Variants in EEF1A2 observed in about 807,000 individuals in gnomAD.
The protein encoded by EEF1A2 is eukaryotic translation elongation factor 1 alpha 2, also known as elongation factor 1-alpha 2.
A neutral mutation model predicts 39.3 loss-of-function variants in EEF1A2; 5 were observed. That is an observed-to-expected ratio of 0.13 (90% CI 0.07 to 0.27). EEF1A2 has a LOEUF of 0.27. EEF1A2 is among the 10% of genes least tolerant of loss of function. The probability of loss-of-function intolerance (pLI) is 1.00; values close to 1 mark genes in which losing one functional copy is unlikely to be tolerated. For missense variants in EEF1A2, 218 were observed against 681.4 expected (o/e 0.32, Z 7.57); for synonymous variants, 287 against 293.7 (o/e 0.98, Z 0.23).
chr20:63,496,201 C>T (rs2082415895), intron 2 of EEF1A2, 166 bp from the exon 3 acceptor site: 2 of 806,818 alleles, frequency 2.5e-6, no homozygotes, highest in Non-Finnish European at 3.8e-6. Context: ...TCCGTCGGGA[C>T]CCCACACCCA....
At chr20:63,489,504 C>G (rs1457326784) in intron 6 of EEF1A2, among the ~76,000 whole-genome samples, 1 of 152,142 alleles carries the variant, frequency 6.6e-6, no homozygotes, top group Non-Finnish European at 1.5e-5. Context: ...ATGAAGAGGC[C>G]AGGCACGGTG....
chr20:63,494,871 C>T lies in EEF1A2; in HGVS notation c.555G>A (p.Pro185=), dbSNP rs1343210265. The part of the protein sequence containing the change: ...SAYIKKIGYN[P]ATVPFVPISG... ...AGATGGGCACAAAGGGCACGGTGGC[C>T]GGGTTGTAGCCGATCTTCTTGATGT... The change falls in exon 4 of 8, where the codon CCG becomes CCA. Residue 185 remains proline (P), a synonymous_variant. Coordinates refer to ENST00000217182, the MANE Select transcript of EEF1A2 (RefSeq NM_001958.5). 5.0e-6 allele frequency: 8 copies of T among 1,612,586 alleles called. No homozygotes were observed. Among genetic ancestry groups the T allele is most frequent in the East Asian group, 4.5e-5 (2 of 44,878 alleles).
chr20:63,489,251 A>G, intron 6 of EEF1A2, 99 bp from the exon 7 acceptor site: 1 of 1,245,822 alleles, frequency 8.0e-7, no homozygotes, highest in Non-Finnish European at 1.1e-6. Context: ...GCGCCCCTGC[A>G]CGGGCTCCTG....
rs964631860 is a variant in EEF1A2, at chr20:63,496,133, G to A, written c.145-98C>T. The A allele has an allele frequency of 1.3e-4, 186 of 1,419,522 alleles. 1 individual carries two copies. The highest frequency in any genetic ancestry group is 4.6e-5 in the East Asian group (2 of 43,384). 87.9% of individuals were successfully genotyped at this position (1,419,522 alleles called of 1,614,324 possible). A position where few individuals can be genotyped will look rare whatever the true frequency, so the allele number is the denominator to read the frequency against. On this transcript the variant is annotated intron_variant, in intron 2 of 7. Coordinates refer to ENST00000217182, the MANE Select transcript of EEF1A2 (RefSeq NM_001958.5). Reference sequence around the variant, plus strand: ...TTACAGCAGAGTGGCCGCGAGAGGCGGGAGATGGGCTCCAGCACCCCCTTG... The same window carrying A: ...TTACAGCAGAGTGGCCGCGAGAGGCAGGAGATGGGCTCCAGCACCCCCTTG...
Position 63,490,744 on chromosome 20 carries a change from G to A in EEF1A2, c.773-9C>T. ...GGGCACCGTGCCAATGCCTGCAGAGGGGAGGGGGTGTGAGGGGAAGGTGGG... is the reference window on the plus strand; with the variant it reads ...GGGCACCGTGCCAATGCCTGCAGAGAGGAGGGGGTGTGAGGGGAAGGTGGG... On this transcript the variant is annotated splice_polypyrimidine_tract_variant and intron_variant, in intron 5 of 7. Coordinates refer to ENST00000217182, the MANE Select transcript of EEF1A2 (RefSeq NM_001958.5). The A allele has an allele frequency of 6.3e-7, 1 of 1,587,564 alleles. No homozygotes were observed. The highest frequency in any genetic ancestry group is 8.6e-7 in the Non-Finnish European group (1 of 1,167,994).
chr20:63,497,296 A>AG lies in EEF1A2; in HGVS notation c.144+323dup. On this transcript the variant is annotated intron_variant, in intron 2 of 7. Coordinates refer to ENST00000217182, the MANE Select transcript of EEF1A2 (RefSeq NM_001958.5). The surrounding 1 kb of genome is among the most constrained non-coding windows in gnomAD (Gnocchi z 7.3). ...AGCCCCAGCCTTGGCCCTGGGGGGAAGGGGGTAAGGCTCCAGCGCCCTCCA... is the reference window on the plus strand; with the variant it reads ...AGCCCCAGCCTTGGCCCTGGGGGGAAGGGGGGTAAGGCTCCAGCGCCCTCCA... 8.4e-6 allele frequency: 2 copies of AG among 237,460 alleles called. No homozygotes were observed. The highest frequency in any genetic ancestry group is 1.6e-5 in the Non-Finnish European group (2 of 122,698). 14.7% of individuals were successfully genotyped at this position (237,460 alleles called of 1,614,324 possible).
rs995165503 is a variant in EEF1A2, at chr20:63,489,121, C to T, written c.1061G>A (p.Ser354Asn). 3 of 1,612,616 alleles carry T rather than the reference C, an allele frequency of 1.9e-6. No individual in the cohort carries two copies. Among genetic ancestry groups the T allele is most frequent in the African/African-American group, 2.7e-5 (2 of 74,952 alleles). Residue 354 changes from serine to asparagine, a missense_variant, in exon 7 of 8, where the codon AGC (serine) becomes AAC (asparagine). Coordinates refer to ENST00000217182, the MANE Select transcript of EEF1A2 (RefSeq NM_001958.5). ...GTCGATGACCGGGGAGTAGCCGGCG[C>T]TAATCTGCCCCGGGTGGTTCAGGAT... ...VIILNHPGQI[S>N]AGYSPVIDCH...
At chr20:63,490,213 C>G in intron 6 of EEF1A2, 2 of 375,918 alleles carry the variant, frequency 5.3e-6, no homozygotes, top group Non-Finnish European at 1.0e-5. Flanking sequence ...ACTACAGGCA[C>G]GTGCCACCAC....
Position 63,496,048 on chromosome 20 carries a change from AG to A in EEF1A2, c.145-14del. On this transcript the variant is annotated splice_polypyrimidine_tract_variant and intron_variant, in intron 2 of 7. Transcript: ENST00000217182. ...ATCCCTTCCCCATCTGGAGCGGGTG[AG>A]GGTCACGGCTGAGGGCGGGACCCGG... 1 of 1,612,096 alleles carries A rather than the reference AG, an allele frequency of 6.2e-7. No individual in the cohort carries two copies. The highest frequency in any genetic ancestry group is 2.2e-5 in the East Asian group (1 of 44,870).
Position 63,496,044 on chromosome 20 carries a change from G to A in EEF1A2, c.145-9C>T. ...AAGGATCCCTTCCCCATCTGGAGCG[G>A]GTGAGGGTCACGGCTGAGGGCGGGA... On this transcript the variant is annotated splice_polypyrimidine_tract_variant and intron_variant, in intron 2 of 7. Transcript: ENST00000217182. 1 of 1,612,262 alleles carries A rather than the reference G, an allele frequency of 6.2e-7. No individual in the cohort carries two copies. Among genetic ancestry groups the A allele is most frequent in the Non-Finnish European group, 8.5e-7 (1 of 1,179,840 alleles).
chr20:63,489,680 G>A (rs758582479), intron 6 of EEF1A2, among the ~76,000 whole-genome samples: 10 of 152,186 alleles, frequency 6.6e-5, no homozygotes, highest in Non-Finnish European at 1.3e-4. Flanking sequence ...CTACTTGGGA[G>A]GCTGAGGCAG....
intron 5 of EEF1A2, 48 bp from the exon 6 acceptor site, chr20:63,490,783 C>T (rs11697471): frequency 6.4e-7 from 1 of 1,564,404 alleles, no homozygotes; most frequent in Non-Finnish European, 8.7e-7. Context: ...CGAGGGGATG[C>T]TGGGGCAGGA....
chr20:63,498,175 T>G lies in EEF1A2; in HGVS notation c.-71-341A>C, dbSNP rs2082426910. 6.3e-6 allele frequency: 1 copy of G among 158,656 alleles called. No homozygotes were observed. The allele number at this position is 158,656 out of a possible 1,614,324, so 9.8% of individuals were successfully genotyped here. A position where few individuals can be genotyped will look rare whatever the true frequency, so the allele number is the denominator to read the frequency against. On this transcript the variant is annotated intron_variant, in intron 1 of 7. Transcript: ENST00000217182. This position sits in a 1 kb window ranked among gnomAD's most constrained non-coding sequence, Gnocchi z 4.1. ...GTCCGTGACCAGCAGAGCCGGGTGA[T>G]GAGTCACCTGCCCAGCGCTCCAGGG... is the stretch of plus-strand genomic sequence containing the variant.
intron 4 of EEF1A2, among the ~76,000 whole-genome samples, 162 bp downstream of exon 4, chr20:63,494,643 G>A (rs548767683): frequency 5.3e-5 from 8 of 152,332 alleles, no homozygotes; most frequent in East Asian, 3.9e-4. Flanking sequence ...GGGGCTCCCC[G>A]CCGGGCCCTG....
chr20:63,494,649 C>A (rs1476268213), intron 4 of EEF1A2, among the ~76,000 whole-genome samples, 156 bp downstream of exon 4: 3 of 152,340 alleles, frequency 2.0e-5, no homozygotes, highest in South Asian at 4.1e-4. Flanking sequence ...CCCCGCCGGG[C>A]CCTGAGCCAG....
chr20:63,496,313 ACGAGC>A, intron 2 of EEF1A2: 1 of 488,862 alleles, frequency 2.0e-6, no homozygotes, highest in Admixed American at 3.5e-5. Flanking sequence ...CGCTCGCTCT[ACGAGC>A]GAAGCCGCCA....
Position 63,490,700 on chromosome 20 carries a change from C to T in EEF1A2, c.808G>A (p.Gly270Ser). 2 of 1,606,922 alleles carry T rather than the reference C, an allele frequency of 1.2e-6. No homozygotes were observed. The change falls in exon 6 of 8, where the codon GGC becomes AGC. Residue 270 changes from glycine (G) to serine (S), a missense_variant. Physicochemically the swap from Gly to Ser is moderately conservative, Grantham distance 56 (BLOSUM62 0). Coordinates refer to ENST00000217182, the MANE Select transcript of EEF1A2 (RefSeq NM_001958.5). ...GTVPVGRVET[G>S]ILRPGMVVTF... is the part of the protein sequence containing the mutation. Reference sequence around the variant, plus strand: ...ACCACCATGCCCGGCCGCAGGATGCCGGTCTCCACCCGGCCCACGGGCACC... The same window carrying T: ...ACCACCATGCCCGGCCGCAGGATGCTGGTCTCCACCCGGCCCACGGGCACC...
Position 63,496,050 on chromosome 20 carries a change from G to C in EEF1A2, c.145-15C>G. On this transcript the variant is annotated splice_polypyrimidine_tract_variant and intron_variant, in intron 2 of 7. Transcript: ENST00000217182. The stretch of plus-strand genomic sequence containing the variant: ...CCCTTCCCCATCTGGAGCGGGTGAG[G>C]GTCACGGCTGAGGGCGGGACCCGGG... 6.2e-7 allele frequency: 1 copy of C among 1,611,902 alleles called. No individual in the cohort carries two copies. The highest frequency in any genetic ancestry group is 8.5e-7 in the Non-Finnish European group (1 of 1,179,726).
At chr20:63,490,812 G>A (rs1600903769) in intron 5 of EEF1A2, 77 bp from the exon 6 acceptor site, 1 of 1,506,046 alleles carries the variant, frequency 6.6e-7, no homozygotes, top group Non-Finnish European at 8.9e-7. Flanking sequence ...GACAGAGCCT[G>A]GAAACCAACA....
Sources: gnomAD v4.1 joint callset for allele counts (sites outside exome capture counted in the v4.1 genomes callset) on GRCh38, gnomAD v4.1.1 for gene constraint, Gnocchi (gnomAD v3.1) non-coding constraint, MANE v1.5 for transcripts, NCBI Gene and HGNC (gene_info 2026-07-23, HGNC 2026-07-21) for gene names.